Variants in ASIC5 observed in about 807,000 individuals in gnomAD.
The protein encoded by ASIC5 is acid sensing ion channel subunit family member 5.
A neutral mutation model predicts 51.2 loss-of-function variants in ASIC5; 52 were observed. The observed-to-expected ratio is 1.02, with a 90% confidence interval of 0.81 to 1.28. The LOEUF (loss-of-function observed/expected upper bound fraction) is 1.28. ASIC5 is among the 50% of genes most tolerant of loss of function. The pLI, the probability that ASIC5 is intolerant of heterozygous loss-of-function variation, is 0.00. For synonymous variants in ASIC5, 231 were observed against 200.7 expected (o/e 1.15, Z -1.28); for missense variants, 635 against 595.0 (o/e 1.07, Z -0.70).
chr4:155,852,887 A>G (rs767252238), intron 3 of ASIC5, among the ~76,000 whole-genome samples: 79 of 152,004 alleles, frequency 5.2e-4, no homozygotes, highest in African/African-American at 1.9e-4. Context: ...CTGGAGTGCT[A>G]AACTCTGATA....
chr4:155,840,461 T>A (rs1451850911), intron 6 of ASIC5, among the ~76,000 whole-genome samples: 1 of 147,508 alleles, frequency 6.8e-6, no homozygotes, highest in Non-Finnish European at 1.5e-5. Flanking sequence ...TTTTTATATT[T>A]TATATATATT....
At position 155,829,828 on chromosome 4, in the gene ASIC5, A is replaced by G; in HGVS notation, c.*28T>C. On this transcript the variant is annotated 3_prime_UTR_variant, in exon 10 of 10. Transcript: ENST00000537611. ...AAGATAAATCTGAAGGTATCATGAA[A>G]AGGAAACTATTTTATTCTAAGTGAC... 1.4e-6 allele frequency: 2 copies of G among 1,404,882 alleles called. No individual in the cohort carries two copies. The highest frequency in any genetic ancestry group is 2.6e-4 in the Middle Eastern group (1 of 3,862). 87.0% of individuals were successfully genotyped at this position (1,404,882 alleles called of 1,614,324 possible).
chr4:155,861,908 A>G (rs1303534260), intron 2 of ASIC5, among the ~76,000 whole-genome samples: 1 of 152,080 alleles, frequency 6.6e-6, no homozygotes, highest in African/African-American at 2.4e-5. Flanking sequence ...ATGTAATTAT[A>G]TTTGTAATGA....
chr4:155,843,529 C>T, intron 5 of ASIC5, 152 bp downstream of exon 5: 1 of 814,216 alleles, frequency 1.2e-6, no homozygotes, highest in South Asian at 1.9e-5. Context: ...AATCATGTAC[C>T]TTCAGATAAA....
intron 4 of ASIC5, among the ~76,000 whole-genome samples, chr4:155,848,866 A>C (rs1741315860): frequency 1.3e-5 from 2 of 152,166 alleles, no homozygotes; most frequent in South Asian, 4.1e-4. Flanking sequence ...ATGTTTGCTG[A>C]TCCTTTGTTT....
intron 4 of ASIC5, among the ~76,000 whole-genome samples, chr4:155,844,939 G>C (rs1354660184): frequency 6.6e-6 from 1 of 151,944 alleles, no homozygotes; most frequent in Non-Finnish European, 1.5e-5. Flanking sequence ...AACACAGGAC[G>C]ACCAATCTTG....
Position 155,842,376 on chromosome 4 carries a change from G to A in ASIC5, c.862-22C>T, listed in dbSNP as rs1432364906. ...CTGTCTTAAGATAAGATAAATACTG[G>A]GTTCAGGAGATGTGTTTACATCAAT... is the stretch of plus-strand genomic sequence containing the variant. On this transcript the variant is annotated intron_variant, in intron 5 of 9. Coordinates refer to ENST00000537611, the MANE Select transcript of ASIC5 (RefSeq NM_017419.3). 1.9e-6 allele frequency: 3 copies of A among 1,578,000 alleles called. No individual in the cohort carries two copies. In the Admixed American group the frequency reaches 5.2e-5, roughly 28 times the overall value.
intron 8 of ASIC5, among the ~76,000 whole-genome samples, chr4:155,835,151 T>C (rs1740948508): frequency 6.6e-6 from 1 of 152,114 alleles, no homozygotes; most frequent in African/African-American, 2.4e-5. Flanking sequence ...AGAGGGTCCA[T>C]TGAGCTGATT....
chr4:155,850,109 AT>A (rs147406019), intron 4 of ASIC5, among the ~76,000 whole-genome samples: 41 of 149,980 alleles, frequency 2.7e-4, no homozygotes, highest in Admixed American at 7.3e-4. Flanking sequence ...TCTCCTAAAG[AT>A]TTTTTTTTTA....
At chr4:155,863,257 A>G (rs1741760441) in intron 2 of ASIC5, among the ~76,000 whole-genome samples, 191 bp downstream of exon 2, 1 of 152,140 alleles carries the variant, frequency 6.6e-6, no homozygotes, top group Non-Finnish European at 1.5e-5. Flanking sequence ...GATGGAAAAT[A>G]AGTGAAAGAA....
chr4:155,840,782 A>G (rs1741099184), intron 6 of ASIC5, among the ~76,000 whole-genome samples: 1 of 151,994 alleles, frequency 6.6e-6, no homozygotes, highest in African/African-American at 2.4e-5. Flanking sequence ...GGAGGGTGCA[A>G]GATTCTAAAC....
chr4:155,836,781 T>C lies in ASIC5; in HGVS notation c.1143A>G (p.Glu381=), dbSNP rs142739848. The change falls in exon 8 of 10, where the codon GAA becomes GAG. Residue 381 remains glutamate, a synonymous_variant. Coordinates refer to ENST00000537611, the MANE Select transcript of ASIC5 (RefSeq NM_017419.3). ...AGGAATAAGAAATAGTGGCCGGGTATTCTATTTCTTCACAAGAAACGGGGC... is the reference window on the plus strand; with the variant it reads ...AGGAATAAGAAATAGTGGCCGGGTACTCTATTTCTTCACAAGAAACGGGGC... ...SSCPVSCEEI[E]YPATISYSSF... is the part of the protein sequence containing the mutation. The C allele has an allele frequency of 1.2e-6, 2 of 1,603,910 alleles. No individual in the cohort carries two copies. Among genetic ancestry groups the C allele is most frequent in the African/African-American group, 2.7e-5 (2 of 74,676 alleles).
At chr4:155,834,465 G>A (rs1424993390) in intron 8 of ASIC5, among the ~76,000 whole-genome samples, 1 of 152,120 alleles carries the variant, frequency 6.6e-6, no homozygotes, top group Non-Finnish European at 1.5e-5. Context: ...CTGTCTCTGT[G>A]TGGGAGTTGA....
At chr4:155,843,977 G>T (rs1182554091) in intron 4 of ASIC5, 147 bp from the exon 5 acceptor site, 2 of 840,136 alleles carry the variant, frequency 2.4e-6, no homozygotes, top group East Asian at 5.3e-5. Context: ...TGTCTAAAGT[G>T]TATGAAAATT....
chr4:155,864,036 C>G (rs1579303680), intron 1 of ASIC5, among the ~76,000 whole-genome samples: 1 of 152,128 alleles, frequency 6.6e-6, no homozygotes, highest in South Asian at 2.1e-4. Context: ...TGACTTCCAG[C>G]TTTAAAACCA....
chr4:155,831,771 C>T, intron 9 of ASIC5, 53 bp downstream of exon 9: 1 of 1,216,540 alleles, frequency 8.2e-7, no homozygotes, highest in Non-Finnish European at 1.2e-6. Context: ...GAGATTCTGT[C>T]TCAAAATAAA....
intron 4 of ASIC5, among the ~76,000 whole-genome samples, chr4:155,845,793 G>C (rs1329198276): frequency 6.6e-6 from 1 of 151,924 alleles, no homozygotes; most frequent in African/African-American, 2.4e-5. Context: ...TTTTCTCTCT[G>C]TACCTTATGA....
At chr4:155,845,406 G>GTT (rs34139764) in intron 4 of ASIC5, among the ~76,000 whole-genome samples, 67 of 145,210 alleles carry the variant, frequency 4.6e-4, no homozygotes, top group Admixed American at 6.8e-4. Context: ...TTGAGCAAAA[G>GTT]TTTTTTTTTT....
intron 2 of ASIC5, among the ~76,000 whole-genome samples, chr4:155,862,278 A>T (rs529632659): frequency 1.3e-5 from 2 of 152,108 alleles, no homozygotes; most frequent in East Asian, 3.9e-4. Flanking sequence ...TGAAATATTG[A>T]CAATCATACA....
Sources: gnomAD v4.1 joint callset for allele counts (sites outside exome capture counted in the v4.1 genomes callset) on GRCh38, gnomAD v4.1.1 for gene constraint, MANE v1.5 for transcripts, NCBI Gene and HGNC (gene_info 2026-07-23, HGNC 2026-07-21) for gene names.